Variants in RAP1A observed in about 807,000 individuals in gnomAD.
The protein encoded by RAP1A is RAP1A, member of RAS oncogene family.
A neutral mutation model predicts 26.4 loss-of-function variants in RAP1A; 6 were observed. The observed-to-expected ratio is 0.23, with a 90% CI of 0.12 to 0.45. The LOEUF is 0.45. Among genes scored for constraint, RAP1A ranks in the 20% least tolerant of loss-of-function variants. The pLI is 0.99. For missense variants in RAP1A, 121 were observed against 217.2 expected, an observed-to-expected ratio of 0.56 and a Z score of 2.78; for synonymous variants, 73 against 79.4, an observed-to-expected ratio of 0.92 and a Z score of 0.43.
At chr1:111,673,297 G>T (rs774221003) in intron 1 of RAP1A, among the ~76,000 whole-genome samples, 15 of 152,160 alleles carry the variant, frequency 9.9e-5, no homozygotes, top group Non-Finnish European at 1.9e-4. Context: ...TACTGCTTAA[G>T]AAACTACCTT....
At chr1:111,634,529 T>A (rs961641313) in intron 1 of RAP1A, among the ~76,000 whole-genome samples, 5 of 150,278 alleles carry the variant, frequency 3.3e-5, no homozygotes, top group African/African-American at 9.7e-5. Context: ...TATTATATGT[T>A]ATATATTATA....
At chr1:111,634,796 C>T (rs777790715) in intron 1 of RAP1A, among the ~76,000 whole-genome samples, 8 of 151,884 alleles carry the variant, frequency 5.3e-5, no homozygotes, top group South Asian at 2.1e-4. Flanking sequence ...AGGCACGCAC[C>T]GCCACGCCCA....
intron 1 of RAP1A, among the ~76,000 whole-genome samples, chr1:111,635,548 G>A (rs999564933): frequency 1.3e-5 from 2 of 152,056 alleles, no homozygotes; most frequent in South Asian, 2.1e-4. Context: ...TGGGATTGAT[G>A]TTTCTTTGTT....
At chr1:111,564,164 A>G (rs541903039) in intron 1 of RAP1A, among the ~76,000 whole-genome samples, 2 of 152,328 alleles carry the variant, frequency 1.3e-5, no homozygotes, top group South Asian at 4.1e-4. Context: ...AAATCTGGTC[A>G]TTGTGTGGCT....
At chr1:111,603,845 A>G (rs993940369) in intron 1 of RAP1A, among the ~76,000 whole-genome samples, 2 of 152,200 alleles carry the variant, frequency 1.3e-5, no homozygotes, top group Non-Finnish European at 2.9e-5. Context: ...ACTCTGTGAG[A>G]TCCTGCCCAA....
intron 1 of RAP1A, among the ~76,000 whole-genome samples, chr1:111,642,589 G>A (rs559330385): frequency 5.3e-5 from 8 of 151,504 alleles, no homozygotes; most frequent in Non-Finnish European, 1.2e-4. Flanking sequence ...CTAGGTTCAC[G>A]CCATTCTCCT....
intron 1 of RAP1A, among the ~76,000 whole-genome samples, chr1:111,687,020 T>C (rs1276131591): frequency 6.6e-6 from 1 of 152,102 alleles, no homozygotes; most frequent in Non-Finnish European, 1.5e-5. Flanking sequence ...AAGCAACATA[T>C]AGTTAGGTCT....
At chr1:111,675,096 C>G (rs555444194) in intron 1 of RAP1A, among the ~76,000 whole-genome samples, 1 of 152,142 alleles carries the variant, frequency 6.6e-6, no homozygotes, top group South Asian at 2.1e-4. Context: ...TAAGCTGTTT[C>G]CTTTGCTTGG....
chr1:111,629,733 T>A (rs1388165598), intron 1 of RAP1A, among the ~76,000 whole-genome samples: 1 of 152,146 alleles, frequency 6.6e-6, no homozygotes, highest in Non-Finnish European at 1.5e-5. Context: ...GCGTGTGACT[T>A]TTTTTTACAA....
intron 2 of RAP1A, among the ~76,000 whole-genome samples, chr1:111,693,950 G>A (rs971842668): frequency 2.6e-5 from 4 of 150,966 alleles, no homozygotes; most frequent in East Asian, 1.9e-4. Context: ...GTGCAGTGGC[G>A]TGATCATGGC....
chr1:111,623,207 G>A (rs1659277790), intron 1 of RAP1A, among the ~76,000 whole-genome samples: 1 of 150,164 alleles, frequency 6.7e-6, no homozygotes, highest in Admixed American at 6.7e-5. Context: ...TTAATCGTTA[G>A]TAGAGACGAG....
rs141904177 is a variant in RAP1A at position 111,576,625 on chromosome 1, G to A, written c.-28+34116G>A. Among the ~76,000 whole-genome samples, 1,061 of 152,314 alleles carry A rather than the reference G, an allele frequency of 7.0e-3. 13 individuals are homozygous for A. The highest frequency in any genetic ancestry group is 8.6e-3 in the Non-Finnish European group (583 of 68,016). ...AATAAGTACAGGGGCGGCATTTGCTGCTCCTCTGGAAGGGTGAGGGGAGGG... is the reference window on the plus strand; with the variant it reads ...AATAAGTACAGGGGCGGCATTTGCTACTCCTCTGGAAGGGTGAGGGGAGGG... On this transcript the variant is annotated intron_variant, in intron 1 of 7. Coordinates refer to the RAP1A transcript ENST00000356415.
intron 3 of RAP1A, among the ~76,000 whole-genome samples, chr1:111,697,092 A>G (rs1018597072): frequency 2.0e-5 from 3 of 152,340 alleles, no homozygotes; most frequent in Middle Eastern, 3.4e-3. Flanking sequence ...AGATAATATA[A>G]ATACACATAT....
intron 1 of RAP1A, chr1:111,563,942 G>C (rs1657850461): frequency 6.2e-7 from 1 of 1,613,626 alleles, no homozygotes; most frequent in Non-Finnish European, 8.5e-7. Flanking sequence ...TCCTGCTGGA[G>C]ACCCTTCCAT....
chr1:111,714,140 TTTTG>T lies in RAP1A; in HGVS notation c.*1745_*1748del, dbSNP rs1266975045. The T allele has an allele frequency of 2.6e-5, 4 of 152,362 alleles. No homozygotes were observed. The highest frequency in any genetic ancestry group is 2.1e-4 in the South Asian group (1 of 4,828). 9.4% of individuals were successfully genotyped at this position (152,362 alleles called of 1,614,324 possible). On this transcript the variant is annotated 3_prime_UTR_variant, in exon 8 of 8. Transcript: ENST00000369709. ...TTGTTTTTAAAAAAATGGAAATTTT[TTTTG>T]TTTGTGTTTTTGTTTTAGTTTCGAA...
chr1:111,591,478 C>A (rs540448174), intron 1 of RAP1A, among the ~76,000 whole-genome samples: 1 of 152,164 alleles, frequency 6.6e-6, no homozygotes, highest in African/African-American at 2.4e-5. Context: ...TTGTAAATTT[C>A]TCTGCGTAAG....
At chr1:111,664,373 C>CAAAAAAAAAAAAAAAAAAAAAAA (rs57610280) in intron 1 of RAP1A, among the ~76,000 whole-genome samples, 1 of 89,870 alleles carries the variant, frequency 1.1e-5, no homozygotes, top group Non-Finnish European at 2.1e-5. Flanking sequence ...GACTCCGTCT[C>CAAAAAAAAAAAAAAAAAAAAAAA]AAAAAAAAAA....
chr1:111,580,149 C>T (rs144309315), intron 1 of RAP1A, among the ~76,000 whole-genome samples: 5 of 152,098 alleles, frequency 3.3e-5, no homozygotes, highest in African/African-American at 4.8e-5. Context: ...TAGTTGTATG[C>T]GTACTCAAAG....
chr1:111,584,810 A>G (rs576888717), intron 1 of RAP1A, among the ~76,000 whole-genome samples: 3 of 152,328 alleles, frequency 2.0e-5, no homozygotes, highest in Non-Finnish European at 2.9e-5. Flanking sequence ...TCTGATAACT[A>G]AGGAAAAAAA....
Sources: allele counts gnomAD v4.1 joint callset (sites outside exome capture counted in the v4.1 genomes callset), GRCh38; gene constraint gnomAD v4.1.1; transcripts MANE v1.5; gene names NCBI Gene and HGNC (gene_info 2026-07-23, HGNC 2026-07-21).